PSD: variants seen among roughly 807,000 people sequenced by gnomAD.
The protein encoded by PSD is PH and SEC7 domain-containing protein 1.
Under a neutral mutation model 91.6 loss-of-function variants are expected in PSD, and 32 were observed. The observed-to-expected ratio is 0.35, with a 90% CI of 0.26 to 0.47. The LOEUF (loss-of-function observed/expected upper bound fraction) is 0.47, where lower values mean the gene tolerates loss of function less well. Ranked by LOEUF, PSD falls within the 20% of genes least tolerant of loss-of-function variation. PSD has a pLI of 1.00. For missense variants in PSD, 1,099 were observed against 1,373.9 expected, an observed-to-expected ratio of 0.80 and a Z score of 3.16; for synonymous variants, 532 against 569.3, an observed-to-expected ratio of 0.93 and a Z score of 0.93.
intron 3 of PSD, 22 bp from the exon 4 acceptor site, chr10:102,415,251 A>G (rs1290458808): frequency 6.4e-7 from 1 of 1,571,438 alleles, no homozygotes; most frequent in Non-Finnish European, 8.7e-7. Context: ...ATAGGCATCC[A>G]GGTCAGGAGG....
At position 102,402,757 on chromosome 10, in the gene PSD, G is replaced by A. The variant is rs2061293624; in HGVS notation, c.*443C>T. ...GACGCCCTTCCTCCACCTCCAGCAA[G>A]AGAAAGAGTAAGCCCTTGGGGAGGA... On this transcript the variant is annotated 3_prime_UTR_variant, in exon 17 of 17. Transcript: ENST00000020673. 1 of 264,350 alleles carries A rather than the reference G, an allele frequency of 3.8e-6. No individual in the cohort carries two copies. Among genetic ancestry groups the A allele is most frequent in the African/African-American group, 2.2e-5 (1 of 45,296 alleles). The allele number at this position is 264,350 out of a possible 1,614,324, so 16.4% of individuals were successfully genotyped here. A position where few individuals can be genotyped will look rare whatever the true frequency, so the allele number is the denominator to read the frequency against.
Position 102,416,438 on chromosome 10 carries a change from C to A in PSD, c.601G>T (p.Glu201Ter). Reference sequence around the variant, plus strand: ...CCTCCGAAGAGTGTGGCCAGGCGCTCAGGGGGGCCCCCCAGCCCATTGGGG... The same window carrying A: ...CCTCCGAAGAGTGTGGCCAGGCGCTAAGGGGGGCCCCCCAGCCCATTGGGG... ...SLPNGLGGPPERLATLFGGPA... is the reference protein window; with the variant it reads ...SLPNGLGGPP Residue 201 changes from glutamate to a stop codon, truncating the protein, a stop_gained, in exon 2 of 17, where the codon GAG (glutamate) becomes TAG (stop). Transcript: ENST00000020673. LOFTEE classifies it high-confidence loss of function. This position sits in a 1 kb window ranked among gnomAD's most constrained non-coding sequence, Gnocchi z 6.0. The A allele has an allele frequency of 6.2e-7, 1 of 1,611,932 alleles. No homozygotes were observed. The highest frequency in any genetic ancestry group is 1.1e-5 in the South Asian group (1 of 90,630).
At position 102,404,087 on chromosome 10, in the gene PSD, G is replaced by T. The variant is rs1056321830; in HGVS notation, c.2701-102C>A. The T allele has an allele frequency of 1.2e-5, 16 of 1,324,284 alleles. No homozygotes were observed. The highest frequency in any genetic ancestry group is 8.0e-5 in the Admixed American group (3 of 37,396). 82.0% of individuals were successfully genotyped at this position (1,324,284 alleles called of 1,614,324 possible). On this transcript the variant is annotated intron_variant, in intron 15 of 16. Transcript: ENST00000020673. The surrounding 1 kb of genome is among the most constrained non-coding windows in gnomAD (Gnocchi z 5.7). Reference sequence around the variant, plus strand: ...CTTCCAGCCGGGCGCGGTGGCTCACGCCTGTAATCCCAGCACTTTGGGAGG... The same window carrying T: ...CTTCCAGCCGGGCGCGGTGGCTCACTCCTGTAATCCCAGCACTTTGGGAGG...
At position 102,416,855 on chromosome 10, in the gene PSD, G is replaced by A. The variant is rs754453263; in HGVS notation, c.184C>T (p.Arg62Cys). 6.9e-6 allele frequency: 11 copies of A among 1,600,194 alleles called. No homozygotes were observed. Among genetic ancestry groups the A allele is most frequent in the Admixed American group, 1.7e-5 (1 of 59,038 alleles). The change falls in exon 2 of 17, where the codon CGT becomes TGT. Residue 62 changes from arginine to cysteine, a missense_variant. Transcript: ENST00000020673. The surrounding 1 kb of genome is among the most constrained non-coding windows in gnomAD (Gnocchi z 6.0). ...GPGPRGRELGRVTAPCTPLRG... is the reference protein window; with the variant it reads ...GPGPRGRELGCVTAPCTPLRG... ...AGAGGTGTACAGGGTGCTGTCACAC[G>A]TCCCAGTTCCCGGCCTCGAGGACCT...
intron 3 of PSD, among the ~76,000 whole-genome samples, chr10:102,415,526 G>C (rs1370067744): frequency 6.6e-6 from 1 of 152,148 alleles, no homozygotes; most frequent in East Asian, 1.9e-4. Flanking sequence ...AGGCTGAAGT[G>C]CAGTGGTGCA....
rs1195732491 is a variant in PSD at position 102,403,194 on chromosome 10, C to T, written c.*6G>A. 1.3e-6 allele frequency: 2 copies of T among 1,542,028 alleles called. No individual in the cohort carries two copies. Among genetic ancestry groups the T allele is most frequent in the East Asian group, 4.6e-5 (2 of 43,224 alleles). On this transcript the variant is annotated 3_prime_UTR_variant, in exon 17 of 17. Transcript: ENST00000020673. The surrounding 1 kb of genome is among the most constrained non-coding windows in gnomAD (Gnocchi z 6.7). The stretch of plus-strand genomic sequence containing the variant: ...CCAGCAGGCACTCCCCACCCTAAAC[C>T]TCATCTCAGGGCTTCCGCCGCCCAC...
At chr10:102,412,841 AG>A (rs1256835955) in intron 5 of PSD, among the ~76,000 whole-genome samples, 6 of 152,148 alleles carry the variant, frequency 3.9e-5, no homozygotes, top group Non-Finnish European at 8.8e-5. Context: ...TCAAGCTCCC[AG>A]GGGCCTACAT....
Position 102,404,043 on chromosome 10 carries a change from G to T in PSD, c.2701-58C>A. 1 of 1,472,020 alleles carries T rather than the reference G, an allele frequency of 6.8e-7. No individual in the cohort carries two copies. Among genetic ancestry groups the T allele is most frequent in the Non-Finnish European group, 9.0e-7 (1 of 1,109,104 alleles). The allele number at this position is 1,472,020 out of a possible 1,614,324, so 91.2% of individuals were successfully genotyped here. The stretch of plus-strand genomic sequence containing the variant: ...CTCTGCCCTATACAGTGCCTCTGCA[G>T]ATTTTTAAAAAGATACCCCTTCCAG... On this transcript the variant is annotated intron_variant, in intron 15 of 16. Transcript: ENST00000020673. This position sits in a 1 kb window ranked among gnomAD's most constrained non-coding sequence, Gnocchi z 5.7.
chr10:102,412,233 G>T lies in PSD; in HGVS notation c.1749-6C>A, dbSNP rs1419378227. The T allele has an allele frequency of 4.0e-5, 64 of 1,613,988 alleles. No homozygotes were observed. The highest frequency in any genetic ancestry group is 5.4e-5 in the Non-Finnish European group (64 of 1,179,968). On this transcript the variant is annotated splice_region_variant and splice_polypyrimidine_tract_variant and intron_variant, in intron 6 of 16. Transcript: ENST00000020673. ...CCAGTTTGCTGAAGTCATTGCTGTG[G>T]GCAGGGCAGAGAGACAGGTAGGGTC...
chr10:102,412,759 C>T (rs1723199097), intron 5 of PSD, among the ~76,000 whole-genome samples, 184 bp from the exon 6 acceptor site: 1 of 152,186 alleles, frequency 6.6e-6, no homozygotes, highest in Non-Finnish European at 1.5e-5. Context: ...ATCATTACCA[C>T]CTCTCTGTGG....
rs1267997800 is a variant in PSD at position 102,403,032 on chromosome 10, G to A, written c.*168C>T. 5.3e-6 allele frequency: 2 copies of A among 375,610 alleles called. No individual in the cohort carries two copies. The highest frequency in any genetic ancestry group is 4.3e-5 in the African/African-American group (2 of 46,666). 23.3% of individuals were successfully genotyped at this position (375,610 alleles called of 1,614,324 possible). Reference sequence around the variant, plus strand: ...GCTCTCGGAGGTGCCCCTAGCCTAGGCTCCTGAGGCCCAGGCCCCAGCCCT... The same window carrying A: ...GCTCTCGGAGGTGCCCCTAGCCTAGACTCCTGAGGCCCAGGCCCCAGCCCT... On this transcript the variant is annotated 3_prime_UTR_variant, in exon 17 of 17. Transcript: ENST00000020673. The surrounding 1 kb of genome is among the most constrained non-coding windows in gnomAD (Gnocchi z 6.7).
chr10:102,415,191 C>T lies in PSD; in HGVS notation c.796G>A (p.Gly266Arg). ...PPEQAPPSPP[G>R]VGSRQGSGVA... ...CCAGAGCCCTGCCTTGAGCCCACCCCAGGTGGAGATGGGGGGGCCTGCTCT... is the reference window on the plus strand; with the variant it reads ...CCAGAGCCCTGCCTTGAGCCCACCCTAGGTGGAGATGGGGGGGCCTGCTCT... The change falls in exon 4 of 17, where the codon GGG becomes AGG. Residue 266 changes from glycine to arginine, a missense_variant. This residue lies in a region of PSD where 631 missense variants were observed against 728.8 expected (regional missense o/e 0.87). Coordinates refer to ENST00000020673, the MANE Select transcript of PSD (RefSeq NM_002779.5). 2 of 1,612,442 alleles carry T rather than the reference C, an allele frequency of 1.2e-6. No individual in the cohort carries two copies. Among genetic ancestry groups the T allele is most frequent in the South Asian group, 2.2e-5 (2 of 91,068 alleles).
Position 102,409,801 on chromosome 10 carries a change from A to C in PSD, c.2091+1057T>G, listed in dbSNP as rs1370357747. ...CAAAACTTAGAATCTTTAGCTCACAAAGATACACCCCCTACTCAGAGGCAT... is the reference window on the plus strand; with the variant it reads ...CAAAACTTAGAATCTTTAGCTCACACAGATACACCCCCTACTCAGAGGCAT... On this transcript the variant is annotated intron_variant, in intron 10 of 16. Coordinates refer to ENST00000020673, the MANE Select transcript of PSD (RefSeq NM_002779.5). The surrounding 1 kb of genome is among the most constrained non-coding windows in gnomAD (Gnocchi z 5.7). Among the ~76,000 whole-genome samples the C allele has an allele frequency of 6.6e-6, 1 of 152,060 alleles. No individual in the cohort carries two copies. The highest frequency in any genetic ancestry group is 2.4e-5 in the African/African-American group (1 of 41,384).
intron 6 of PSD, 41 bp from the exon 7 acceptor site, chr10:102,412,268 A>G: frequency 6.2e-7 from 1 of 1,612,168 alleles, no homozygotes. Flanking sequence ...CTCAAGGGGA[A>G]GTGCAGGGGG....
chr10:102,409,299 G>T lies in PSD; in HGVS notation c.2091+1559C>A. The T allele has an allele frequency of 6.1e-6, 6 of 985,534 alleles. No individual in the cohort carries two copies. Among genetic ancestry groups the T allele is most frequent in the South Asian group, 4.6e-5 (1 of 21,804 alleles). The allele number at this position is 985,534 out of a possible 1,614,324, so 61.0% of individuals were successfully genotyped here. ...CTCTGCGGCTTGGCTAGAGCGGGAG[G>T]GGGGCGCCGACGGGAAAGGGAGGGC... is the stretch of plus-strand genomic sequence containing the variant. On this transcript the variant is annotated intron_variant, in intron 10 of 16. Coordinates refer to ENST00000020673, the MANE Select transcript of PSD (RefSeq NM_002779.5). The surrounding 1 kb of genome is among the most constrained non-coding windows in gnomAD (Gnocchi z 5.7).
chr10:102,411,214 G>A, intron 8 of PSD, 98 bp from the exon 9 acceptor site: 5 of 1,201,678 alleles, frequency 4.2e-6, no homozygotes, highest in Non-Finnish European at 4.7e-6. Context: ...CCCTTTGGCC[G>A]GCAACTTCCT....
Position 102,403,047 on chromosome 10 carries a change from G to T in PSD, c.*153C>A. ...CCTAGCCTAGGCTCCTGAGGCCCAG[G>T]CCCCAGCCCTGCCCTGCCCCGGACA... On this transcript the variant is annotated 3_prime_UTR_variant, in exon 17 of 17. Transcript: ENST00000020673. This position sits in a 1 kb window ranked among gnomAD's most constrained non-coding sequence, Gnocchi z 6.7. The T allele has an allele frequency of 5.2e-6, 2 of 387,564 alleles. No individual in the cohort carries two copies. The highest frequency in any genetic ancestry group is 8.6e-6 in the Non-Finnish European group (2 of 233,454). The allele number at this position is 387,564 out of a possible 1,614,324, so 24.0% of individuals were successfully genotyped here.
intron 11 of PSD, among the ~76,000 whole-genome samples, chr10:102,406,794 C>T (rs922142820): frequency 6.6e-6 from 1 of 152,220 alleles, no homozygotes; most frequent in East Asian, 1.9e-4. Context: ...CGTGAGCCAC[C>T]TCGCCTGGCC....
Position 102,405,318 on chromosome 10 carries a change from G to A in PSD, c.2326+28C>T, listed in dbSNP as rs778875944. ...GCCCACTCCCATCCATCCCCTAGACGCCCGCCCCCCGCAACTCGGCCACAT... is the reference window on the plus strand; with the variant it reads ...GCCCACTCCCATCCATCCCCTAGACACCCGCCCCCCGCAACTCGGCCACAT... On this transcript the variant is annotated intron_variant, in intron 12 of 16. Transcript: ENST00000020673. The surrounding 1 kb of genome is among the most constrained non-coding windows in gnomAD (Gnocchi z 5.4). 2.5e-5 allele frequency: 40 copies of A among 1,607,378 alleles called. No individual in the cohort carries two copies. The highest frequency in any genetic ancestry group is 6.7e-5 in the African/African-American group (5 of 74,842).
Sources: gnomAD v4.1 joint callset for allele counts (sites outside exome capture counted in the v4.1 genomes callset) on GRCh38, gnomAD v4.1.1 for gene constraint, gnomAD v4.1.1 regional missense constraint, Gnocchi (gnomAD v3.1) non-coding constraint, MANE v1.5 for transcripts, NCBI Gene and HGNC (gene_info 2026-07-23, HGNC 2026-07-21) for gene names.